The following CASR variants were observed in gnomAD, a reference collection of about 807,000 sequenced individuals.
CASR encodes the protein extracellular calcium-sensing receptor.
In CASR, 23 loss-of-function variants were observed where a neutral mutation model predicts 69.1. The observed-to-expected ratio is 0.33, with a 90% CI of 0.24 to 0.47. The LOEUF (loss-of-function observed/expected upper bound fraction) is 0.47. Ranked by LOEUF, CASR falls within the 20% of genes least tolerant of loss-of-function variation. CASR has a pLI of 1.00. For synonymous variants in CASR, 541 were observed against 544.7 expected, an observed-to-expected ratio of 0.99 and a Z score of 0.10; for missense variants, 924 against 1,356.1, an observed-to-expected ratio of 0.68 and a Z score of 5.00.
chr3:122,207,963 G>A (rs1322255489), intron 1 of CASR, among the ~76,000 whole-genome samples: 3 of 151,976 alleles, frequency 2.0e-5, no homozygotes, highest in African/African-American at 7.3e-5. Context: ...TACTATTACT[G>A]TATTGCAGTC....
chr3:122,188,338 G>A (rs2073806786), intron 1 of CASR, among the ~76,000 whole-genome samples: 1 of 152,230 alleles, frequency 6.6e-6, no homozygotes, highest in Non-Finnish European at 1.5e-5. Flanking sequence ...TGTGGTCAGT[G>A]AGGGAGAGGA....
chr3:122,201,669 C>T (rs1490370104), intron 1 of CASR, among the ~76,000 whole-genome samples: 7 of 77,802 alleles, frequency 9.0e-5, no homozygotes, highest in Non-Finnish European at 1.4e-4. Context: ...GCTGGCCAGG[C>T]GGGGGCTGAC....
Position 122,261,722 on chromosome 3 carries a change from A to G in CASR, c.687A>G (p.Glu229=), listed in dbSNP as rs1488819753. 6.2e-7 allele frequency: 1 copy of G among 1,614,086 alleles called. No homozygotes were observed. The highest frequency in any genetic ancestry group is 8.5e-7 in the Non-Finnish European group (1 of 1,180,026). Residue 229 remains glutamate (E), a synonymous_variant, in exon 4 of 7, where the codon GAA becomes GAG. Coordinates refer to ENST00000639785, the MANE Select transcript of CASR (RefSeq NM_000388.4). Reference sequence around the variant, plus strand: ...CGGGGATTGAGAAATTCCGAGAGGAAGCTGAGGAAAGGGATATCTGCATCG... The same window carrying G: ...CGGGGATTGAGAAATTCCGAGAGGAGGCTGAGGAAAGGGATATCTGCATCG... ...GRPGIEKFRE[E]AEERDICIDF...
At chr3:122,190,275 A>G (rs868845127) in intron 1 of CASR, among the ~76,000 whole-genome samples, 7 of 152,172 alleles carry the variant, frequency 4.6e-5, no homozygotes, top group Non-Finnish European at 2.9e-5. Flanking sequence ...AGATTCGGGG[A>G]AAGGTAGTGA....
intron 1 of CASR, among the ~76,000 whole-genome samples, chr3:122,219,042 G>T (rs952423537): frequency 6.6e-6 from 1 of 152,166 alleles, no homozygotes; most frequent in Non-Finnish European, 1.5e-5. Context: ...TAGGGTGGCC[G>T]GAAATAGTGA....
intron 1 of CASR, among the ~76,000 whole-genome samples, chr3:122,191,639 G>T (rs557224158): frequency 1.6e-4 from 25 of 152,206 alleles, no homozygotes; most frequent in African/African-American, 6.0e-4. Context: ...TATATAAAAG[G>T]TTATAATTAA....
At chr3:122,254,645 T>C (rs918167347) in intron 2 of CASR, among the ~76,000 whole-genome samples, 1 of 152,148 alleles carries the variant, frequency 6.6e-6, no homozygotes, top group Non-Finnish European at 1.5e-5. Flanking sequence ...GTTATCATCG[T>C]TCACCTGGCA....
chr3:122,255,866 G>C (rs759671091), intron 2 of CASR, among the ~76,000 whole-genome samples: 4 of 150,770 alleles, frequency 2.7e-5, no homozygotes, highest in Non-Finnish European at 5.9e-5. Context: ...CTCACCTCCT[G>C]TCACTGTCAC....
At chr3:122,196,262 G>A (rs969462512) in intron 1 of CASR, among the ~76,000 whole-genome samples, 1 of 151,960 alleles carries the variant, frequency 6.6e-6, no homozygotes, top group East Asian at 1.9e-4. Context: ...ACAACATATG[G>A]TATGGTAAAT....
intron 1 of CASR, among the ~76,000 whole-genome samples, chr3:122,238,196 C>T (rs1005814156): frequency 1.3e-5 from 2 of 152,192 alleles, no homozygotes; most frequent in African/African-American, 4.8e-5. Context: ...CCACCCCTCC[C>T]CTATCCCCCC....
At chr3:122,274,290 G>C (rs1156739003) in intron 4 of CASR, among the ~76,000 whole-genome samples, 1 of 152,250 alleles carries the variant, frequency 6.6e-6, no homozygotes, top group Non-Finnish European at 1.5e-5. Context: ...CACATAGTCT[G>C]TCATGGACTC....
intron 4 of CASR, among the ~76,000 whole-genome samples, chr3:122,269,810 T>C (rs993467138): frequency 6.6e-6 from 1 of 151,916 alleles, no homozygotes; most frequent in African/African-American, 2.4e-5. Context: ...CACTCATCAG[T>C]GAAGCCACCT....
At chr3:122,202,480 G>GGGGAGA (rs144481840) in intron 1 of CASR, among the ~76,000 whole-genome samples, 25,077 of 149,976 alleles carry the variant, frequency 0.17, 2,209 homozygotes, top group African/African-American at 0.21. Flanking sequence ...GGGAGACCGT[G>GGGGAGA]GGGAGAGGGA....
In CASR at chr3:122,207,079, T is replaced by A. The variant is rs952851060; in HGVS notation, c.-243+23267T>A. 3.3e-5 allele frequency among the ~76,000 whole-genome samples: 5 copies of A among 152,230 alleles called. No individual in the cohort carries two copies. In the East Asian group the frequency reaches 9.6e-4, roughly 29 times the overall value. On this transcript the variant is annotated intron_variant, in intron 1 of 6. Coordinates refer to ENST00000639785, the MANE Select transcript of CASR (RefSeq NM_000388.4). ...AATTTCATTTATATCTGCTCTAATT[T>A]TATTATTTCTTTCCATTAATTTGGG... is the stretch of plus-strand genomic sequence containing the variant.
At chr3:122,238,887 T>C (rs2107613338) in intron 1 of CASR, among the ~76,000 whole-genome samples, 1 of 152,286 alleles carries the variant, frequency 6.6e-6, no homozygotes, top group South Asian at 2.1e-4. Context: ...TATCACCTGC[T>C]GACTAAAGAG....
chr3:122,191,293 T>G (rs113654054), intron 1 of CASR, among the ~76,000 whole-genome samples: 2,021 of 152,286 alleles, frequency 0.013, 19 homozygotes, highest in Middle Eastern at 0.02. Context: ...TTTAAAATAC[T>G]TGGGTTTTTT....
intron 1 of CASR, among the ~76,000 whole-genome samples, chr3:122,201,827 CG>C (rs1559936018): frequency 6.6e-6 from 1 of 151,738 alleles, no homozygotes; most frequent in East Asian, 1.9e-4. Flanking sequence ...GATGGGCGGC[CG>C]GGCAGAGACG....
At chr3:122,276,301 C>A (rs183039163) in intron 5 of CASR, among the ~76,000 whole-genome samples, 2 of 152,314 alleles carry the variant, frequency 1.3e-5, no homozygotes, top group East Asian at 3.9e-4. Flanking sequence ...GACTCCCTAG[C>A]TAGTCACAAA....
At chr3:122,197,053 C>G (rs1004278086) in intron 1 of CASR, among the ~76,000 whole-genome samples, 1 of 152,120 alleles carries the variant, frequency 6.6e-6, no homozygotes, top group African/African-American at 2.4e-5. Context: ...TACATTAGAG[C>G]ACCAGAATTT....
Sources: gnomAD v4.1 joint callset for allele counts (sites outside exome capture counted in the v4.1 genomes callset) on GRCh38, gnomAD v4.1.1 for gene constraint, MANE v1.5 for transcripts, NCBI Gene and HGNC (gene_info 2026-07-23, HGNC 2026-07-21) for gene names.